SUMF1: variants seen among roughly 807,000 people sequenced by gnomAD.
The protein encoded by SUMF1 is formylglycine-generating enzyme.
In SUMF1, 48 loss-of-function variants were observed where a neutral mutation model predicts 47.6. The observed-to-expected ratio is 1.01, with a 90% CI of 0.80 to 1.28. SUMF1 has a LOEUF of 1.28. SUMF1 is among the 50% of genes most tolerant of loss of function. The pLI is 0.00. For synonymous variants in SUMF1, 230 were observed against 192.1 expected (o/e 1.20, Z -1.63); for missense variants, 571 against 485.4 (o/e 1.18, Z -1.66).
At chr3:4,120,924 A>G (rs1476406770) in intron 8 of SUMF1, among the ~76,000 whole-genome samples, 2 of 152,330 alleles carry the variant, frequency 1.3e-5, no homozygotes, top group East Asian at 3.9e-4. Flanking sequence ...ATGCAGGATA[A>G]TTGTGAGGGC....
intron 8 of SUMF1, among the ~76,000 whole-genome samples, chr3:4,081,271 C>T (rs1196065453): frequency 6.6e-6 from 1 of 152,108 alleles, no homozygotes. Context: ...CAGAGCACTA[C>T]TTTCCTCAAA....
intron 8 of SUMF1, among the ~76,000 whole-genome samples, chr3:4,319,910 G>A (rs762628541): frequency 2.6e-5 from 4 of 152,140 alleles, no homozygotes; most frequent in Non-Finnish European, 5.9e-5. Flanking sequence ...TGAACAGGCT[G>A]CATACTATAT....
intron 8 of SUMF1, among the ~76,000 whole-genome samples, chr3:4,096,907 T>G (rs559926526): frequency 2.6e-5 from 4 of 152,092 alleles, no homozygotes; most frequent in African/African-American, 9.7e-5. Context: ...TTCCCTTTTA[T>G]CTTTAAAGAG....
chr3:4,035,357 A>G (rs949575482), intron 9 of SUMF1, among the ~76,000 whole-genome samples: 1 of 152,112 alleles, frequency 6.6e-6, no homozygotes, highest in African/African-American at 2.4e-5. Flanking sequence ...GCTCCAGGCC[A>G]TCATTGGCTT....
At chr3:4,118,695 A>G (rs947178733) in intron 8 of SUMF1, among the ~76,000 whole-genome samples, 1 of 152,038 alleles carries the variant, frequency 6.6e-6, no homozygotes, top group Non-Finnish European at 1.5e-5. Context: ...AGTTTCCAAT[A>G]CTCATGCTAC....
chr3:4,411,097 A>G (rs1429862913), intron 6 of SUMF1, 119 bp from the exon 7 acceptor site: 12 of 888,652 alleles, frequency 1.4e-5, no homozygotes, highest in Non-Finnish European at 2.0e-5. Flanking sequence ...TTTTATTCCA[A>G]CAGTCAAAGT....
chr3:4,364,561 G>A (rs1699883283), intron 8 of SUMF1, among the ~76,000 whole-genome samples: 1 of 150,870 alleles, frequency 6.6e-6, no homozygotes, highest in African/African-American at 2.4e-5. Context: ...CTGTGGGATC[G>A]GTGGTGATAT....
intron 7 of SUMF1, among the ~76,000 whole-genome samples, chr3:4,382,639 TGCTCA>T (rs1034742073): frequency 1.6e-4 from 24 of 152,302 alleles, no homozygotes; most frequent in African/African-American, 5.5e-4. Flanking sequence ...ATTGTGGCAC[TGCTCA>T]TGATAGCAAA....
chr3:4,219,478 A>G (rs1696014618), intron 8 of SUMF1, among the ~76,000 whole-genome samples: 2 of 152,194 alleles, frequency 1.3e-5, no homozygotes. Context: ...ACTCAAAAAA[A>G]CTGGTGACAT....
intron 3 of SUMF1, among the ~76,000 whole-genome samples, chr3:4,434,668 T>C (rs1403738203): frequency 6.6e-6 from 1 of 152,146 alleles, no homozygotes; most frequent in Admixed American, 6.5e-5. Context: ...AAGAGATTGA[T>C]TAAAACAAGT....
intron 8 of SUMF1, among the ~76,000 whole-genome samples, chr3:4,170,151 G>T (rs1574946913): frequency 6.6e-6 from 1 of 152,092 alleles, no homozygotes; most frequent in African/African-American, 2.4e-5. Flanking sequence ...GGCTGTTTTT[G>T]TGCTACAACA....
At chr3:4,463,287 C>T (rs1274203320) in intron 1 of SUMF1, among the ~76,000 whole-genome samples, 2 of 152,134 alleles carry the variant, frequency 1.3e-5, no homozygotes, top group Admixed American at 6.5e-5. Flanking sequence ...GTCAAAAGAT[C>T]GAGACAATCC....
At chr3:4,183,998 T>C (rs959751419) in intron 8 of SUMF1, among the ~76,000 whole-genome samples, 4 of 151,604 alleles carry the variant, frequency 2.6e-5, no homozygotes, top group African/African-American at 9.7e-5. Flanking sequence ...AGTCGGGCAT[T>C]GTGGCACATG....
chr3:4,323,356 T>C (rs1698877154), intron 8 of SUMF1, among the ~76,000 whole-genome samples: 1 of 152,092 alleles, frequency 6.6e-6, no homozygotes, highest in African/African-American at 2.4e-5. Context: ...AGATACAAAG[T>C]AGATTAGTGG....
At chr3:4,303,113 T>G (rs1260640737) in intron 8 of SUMF1, among the ~76,000 whole-genome samples, 1 of 152,124 alleles carries the variant, frequency 6.6e-6, no homozygotes, top group Admixed American at 6.5e-5. Flanking sequence ...TCTCTGATGC[T>G]CCCAGGAAAA....
chr3:4,383,453 G>C (rs908522197), intron 7 of SUMF1, among the ~76,000 whole-genome samples: 8 of 152,268 alleles, frequency 5.3e-5, no homozygotes, highest in East Asian at 1.9e-4. Context: ...GGAGGAAAAA[G>C]AGAGAAGTTA....
At chr3:4,305,874 G>A (rs1276745857) in intron 8 of SUMF1, among the ~76,000 whole-genome samples, 1 of 152,124 alleles carries the variant, frequency 6.6e-6, no homozygotes, top group Admixed American at 6.5e-5. Context: ...ACTACCTTTG[G>A]CAATTTATAG....
At chr3:4,449,577 T>A (rs711633) in intron 2 of SUMF1, among the ~76,000 whole-genome samples, 17 of 152,082 alleles carry the variant, frequency 1.1e-4, no homozygotes, top group Admixed American at 9.2e-4. Context: ...GAATGCAGAC[T>A]GAACAAGATT....
intron 8 of SUMF1, among the ~76,000 whole-genome samples, chr3:4,161,541 C>T (rs1694576787): frequency 6.6e-6 from 1 of 152,114 alleles, no homozygotes; most frequent in South Asian, 2.1e-4. Flanking sequence ...TTTCCCTCCC[C>T]TTTCCATGGG....
Sources: gnomAD v4.1 joint callset for allele counts (sites outside exome capture counted in the v4.1 genomes callset) on GRCh38, gnomAD v4.1.1 for gene constraint, MANE v1.5 for transcripts, NCBI Gene and HGNC (gene_info 2026-07-23, HGNC 2026-07-21) for gene names.